The following ETV5 variants were observed in gnomAD, a reference collection of about 807,000 sequenced individuals.
ETV5 encodes ETS translocation variant 5.
A neutral mutation model predicts 70.0 loss-of-function variants in ETV5; 10 were observed. That is an observed-to-expected ratio of 0.14 (90% CI 0.09 to 0.24). ETV5 has a LOEUF of 0.24. Ranked by LOEUF, ETV5 falls within the 10% of genes least tolerant of loss-of-function variation. The pLI, the probability that ETV5 is intolerant of heterozygous loss-of-function variation, is 1.00. For missense variants in ETV5, 453 were observed against 651.2 expected (o/e 0.70, Z 3.31); for synonymous variants, 216 against 242.2 (o/e 0.89, Z 1.01).
At chr3:186,077,931 A>G (rs771800457) in intron 7 of ETV5, 3 of 946,706 alleles carry the variant, frequency 3.2e-6, no homozygotes, top group African/African-American at 1.7e-5. Context: ...AGAGTATAAC[A>G]AGAAGTAAGT....
chr3:186,108,521 G>A (rs958083935), intron 1 of ETV5: 8 of 1,286,074 alleles, frequency 6.2e-6, no homozygotes, highest in South Asian at 4.9e-5. Flanking sequence ...CCCTCAAACT[G>A]CTTCCCGCCC....
Position 186,094,599 on chromosome 3 carries a change from C to T in ETV5, c.232+10706G>A, listed in dbSNP as rs551091133. Among the ~76,000 whole-genome samples the T allele has an allele frequency of 6.7e-4, 102 of 152,146 alleles. 1 individual carries two copies. In the South Asian group the frequency reaches 0.019, roughly 28 times the overall value. ...ACAATTTAGGATTGTTACTTTAGAACGCCAAAAATGGAAACCTAGATGCCT... is the reference window on the plus strand; with the variant it reads ...ACAATTTAGGATTGTTACTTTAGAATGCCAAAAATGGAAACCTAGATGCCT... On this transcript the variant is annotated intron_variant, in intron 5 of 12. Transcript: ENST00000306376.
intron 9 of ETV5, among the ~76,000 whole-genome samples, chr3:186,060,708 T>A (rs1288370061): frequency 6.6e-6 from 1 of 152,172 alleles, no homozygotes; most frequent in Non-Finnish European, 1.5e-5. Flanking sequence ...AACTAACTTC[T>A]TTGATGTGTG....
At chr3:186,073,435 T>C (rs981197065) in intron 7 of ETV5, among the ~76,000 whole-genome samples, 4 of 152,188 alleles carry the variant, frequency 2.6e-5, no homozygotes, top group Admixed American at 2.6e-4. Flanking sequence ...AACGAAAGTT[T>C]GGAGAAGTTG....
intron 11 of ETV5, among the ~76,000 whole-genome samples, chr3:186,053,844 T>C (rs901348123): frequency 1.3e-5 from 2 of 152,196 alleles, no homozygotes; most frequent in South Asian, 4.1e-4. Context: ...CCTAATAATA[T>C]ACATCATTGT....
At position 186,066,076 on chromosome 3, in the gene ETV5, TAAG is replaced by T; in HGVS notation, c.651-7_651-5del. On this transcript the variant is annotated splice_region_variant and splice_polypyrimidine_tract_variant and intron_variant, in intron 7 of 12. Coordinates refer to ENST00000306376, the MANE Select transcript of ETV5 (RefSeq NM_004454.3). ...TTCAGACAGTTGTCTCTGAAATCTG[TAAG>T]AAGAAAGAGGTTTTCATGTTGAACA... The T allele has an allele frequency of 6.4e-7, 1 of 1,565,242 alleles. No homozygotes were observed. Among genetic ancestry groups the T allele is most frequent in the Non-Finnish European group, 8.6e-7 (1 of 1,158,144 alleles).
At position 186,062,334 on chromosome 3, in the gene ETV5, G is replaced by A. The variant is rs143888934; in HGVS notation, c.970+2083C>T. On this transcript the variant is annotated intron_variant, in intron 9 of 12. Transcript: ENST00000306376. ...TGGGCACATCTTTTCTCCTTTCTGA[G>A]TCTCGGTTTCATTACCCTATGGGGC... Among the ~76,000 whole-genome samples the A allele has an allele frequency of 4.9e-4, 75 of 152,290 alleles. No individual in the cohort carries two copies. In the East Asian group the frequency reaches 9.1e-3, roughly 18 times the overall value.
intron 5 of ETV5, among the ~76,000 whole-genome samples, chr3:186,098,660 A>G (rs1421704599): frequency 6.6e-6 from 1 of 152,150 alleles, no homozygotes; most frequent in Non-Finnish European, 1.5e-5. Context: ...TGCTTCTTAG[A>G]TATTTTTTCC....
chr3:186,107,965 T>A (rs1346479357), intron 1 of ETV5, among the ~76,000 whole-genome samples: 1 of 149,920 alleles, frequency 6.7e-6, no homozygotes, highest in African/African-American at 2.5e-5. Context: ...CCCAGCGTTT[T>A]AGGAAGAAAG....
chr3:186,105,242 A>G lies in ETV5; in HGVS notation c.232+63T>C. On this transcript the variant is annotated intron_variant, in intron 5 of 12. Transcript: ENST00000306376. The surrounding 1 kb of genome is among the most constrained non-coding windows in gnomAD (Gnocchi z 4.5). ...CATAGCTGAAAAAAGCATATTCTAG[A>G]CATGGATGATCTAAGACCAAACAAT... 7.1e-6 allele frequency: 10 copies of G among 1,408,828 alleles called. No homozygotes were observed. Among genetic ancestry groups the G allele is most frequent in the Non-Finnish European group, 9.9e-6 (10 of 1,010,974 alleles). 87.3% of individuals were successfully genotyped at this position (1,408,828 alleles called of 1,614,324 possible).
At position 186,065,859 on chromosome 3, in the gene ETV5, T is replaced by G; in HGVS notation, c.864A>C (p.Ser288=). 1 of 1,614,040 alleles carries G rather than the reference T, an allele frequency of 6.2e-7. No homozygotes were observed. Among genetic ancestry groups the G allele is most frequent in the Non-Finnish European group, 8.5e-7 (1 of 1,180,000 alleles). The change falls in exon 8 of 13, where the codon TCA becomes TCC. Residue 288 remains serine, a synonymous_variant. Transcript: ENST00000306376. ...GAGGCTCCTGCTTGATTCCCATTGGTGACTGGAACCCGTGTGCTGGGGGCC... is the reference window on the plus strand; with the variant it reads ...GAGGCTCCTGCTTGATTCCCATTGGGGACTGGAACCCGTGTGCTGGGGGCC... ...MPGPPAHGFQ[S]PMGIKQEPRD...
intron 5 of ETV5, among the ~76,000 whole-genome samples, chr3:186,102,205 C>A (rs1177337766): frequency 1.3e-5 from 2 of 151,600 alleles, no homozygotes; most frequent in Non-Finnish European, 2.9e-5. Context: ...ACTGACATTC[C>A]AAAATAAAAA....
intron 9 of ETV5, among the ~76,000 whole-genome samples, chr3:186,058,420 C>T (rs1428645567): frequency 6.6e-6 from 1 of 152,158 alleles, no homozygotes; most frequent in Non-Finnish European, 1.5e-5. Context: ...GGAGAATGCC[C>T]CAGGGCTCCT....
intron 12 of ETV5, among the ~76,000 whole-genome samples, chr3:186,050,726 T>G (rs1713006566): frequency 6.6e-6 from 1 of 152,002 alleles, no homozygotes. Flanking sequence ...GAGCTTACAC[T>G]CCAGTGGGGG....
At chr3:186,051,305 G>A (rs1224669688) in intron 12 of ETV5, among the ~76,000 whole-genome samples, 2 of 152,218 alleles carry the variant, frequency 1.3e-5, no homozygotes, top group African/African-American at 4.8e-5. Flanking sequence ...AGGTAGACTG[G>A]CTCAATGTGT....
At chr3:186,075,230 G>C (rs1276823956) in intron 7 of ETV5, among the ~76,000 whole-genome samples, 3 of 152,184 alleles carry the variant, frequency 2.0e-5, no homozygotes, top group Non-Finnish European at 4.4e-5. Flanking sequence ...AAGCATCCAT[G>C]AAACTCAGTT....
intron 5 of ETV5, among the ~76,000 whole-genome samples, chr3:186,090,101 T>C (rs867496232): frequency 3.3e-5 from 5 of 152,016 alleles, no homozygotes; most frequent in Middle Eastern, 6.8e-3. Flanking sequence ...TCTGAGATAT[T>C]TGGAGGAAAA....
intron 7 of ETV5, chr3:186,076,497 T>A (rs994879669): frequency 2.7e-5 from 5 of 182,992 alleles, no homozygotes; most frequent in Admixed American, 1.3e-4. Flanking sequence ...ATCGGCATAG[T>A]GTACTACAGA....
Position 186,048,598 on chromosome 3 carries a change from A to G in ETV5, c.*41T>C, listed in dbSNP as rs200620112. On this transcript the variant is annotated 3_prime_UTR_variant, in exon 13 of 13. Coordinates refer to ENST00000306376, the MANE Select transcript of ETV5 (RefSeq NM_004454.3). ...ACTGCCCTTGTTTGCCTGAATGGGA[A>G]CTGCTAGCTCTAGGGTTTGGCCACT... is the stretch of plus-strand genomic sequence containing the variant. 41 of 1,561,816 alleles carry G rather than the reference A, an allele frequency of 2.6e-5. No individual in the cohort carries two copies. Among genetic ancestry groups the G allele is most frequent in the Non-Finnish European group, 3.3e-5 (37 of 1,133,396 alleles).
Sources: allele counts gnomAD v4.1 joint callset (sites outside exome capture counted in the v4.1 genomes callset), GRCh38; gene constraint gnomAD v4.1.1; non-coding constraint Gnocchi (gnomAD v3.1); transcripts MANE v1.5; gene names NCBI Gene and HGNC (gene_info 2026-07-23, HGNC 2026-07-21).